BCL9: variants seen among roughly 807,000 people sequenced by gnomAD.
BCL9 encodes the protein BCL9 transcription coactivator, also known as B-cell CLL/lymphoma 9 protein.
BCL9 carries 25 observed loss-of-function variants against 88.5 expected under a neutral mutation model. That is an observed-to-expected ratio of 0.28 (90% CI 0.21 to 0.39). The LOEUF is 0.39. Among genes scored for constraint, BCL9 ranks in the 10% least tolerant of loss-of-function variants. The pLI is 1.00. For synonymous variants in BCL9, 711 were observed against 673.3 expected (o/e 1.06, Z -0.87); for missense variants, 1,817 against 1,877.8 (o/e 0.97, Z 0.60).
In BCL9 at chr1:147,564,556, G is replaced by A. The variant is rs995187158; in HGVS notation, c.-478+22882G>A. Among the ~76,000 whole-genome samples, 3 of 152,076 alleles carry A rather than the reference G, an allele frequency of 2.0e-5. No individual in the cohort carries two copies. The South Asian group carries it at 6.2e-4, about 32-fold the overall frequency. ...CGTCTGAGTCTCAATTTCCTCATCT[G>A]TAAAATGAGGAAATATTTCTTCTCT... On this transcript the variant is annotated intron_variant, in intron 1 of 9. Coordinates refer to ENST00000234739, the MANE Select transcript of BCL9 (RefSeq NM_004326.4).
In BCL9 at chr1:147,582,524, G is replaced by A. The variant is rs782760328; in HGVS notation, c.-477-22253G>A. The stretch of plus-strand genomic sequence containing the variant: ...ATTGATTTCCAGAAATGTTCTTCTA[G>A]TACAGGGTGGCAAACTAGGACCCGA... On this transcript the variant is annotated intron_variant, in intron 1 of 9. Transcript: ENST00000234739. Among the ~76,000 whole-genome samples the A allele has an allele frequency of 5.9e-5, 9 of 152,248 alleles. No homozygotes were observed. The East Asian group carries it at 1.2e-3, about 20-fold the overall frequency.
intron 1 of BCL9, among the ~76,000 whole-genome samples, chr1:147,570,653 T>TTTTTTTTTTTG (rs1481643504): frequency 2.0e-5 from 1 of 51,258 alleles, no homozygotes; most frequent in Non-Finnish European, 3.5e-5. Context: ...TTTTTTTTTG[T>TTTTTTTTTTTG]AGATGGAGTT....
chr1:147,575,950 C>T (rs1656091145), intron 1 of BCL9, among the ~76,000 whole-genome samples: 1 of 152,132 alleles, frequency 6.6e-6, no homozygotes, highest in African/African-American at 2.4e-5. Context: ...GGTTTTGGCA[C>T]ACCCTAAGAA....
chr1:147,595,935 A>C (rs1553200410), intron 1 of BCL9, among the ~76,000 whole-genome samples: 1 of 152,184 alleles, frequency 6.6e-6, no homozygotes, highest in African/African-American at 2.4e-5. Context: ...ATGTCACAAA[A>C]CTTGAATTTT....
intron 1 of BCL9, among the ~76,000 whole-genome samples, chr1:147,584,386 C>CT (rs55842254): frequency 0.22 from 33,489 of 151,968 alleles, 7,175 homozygotes; most frequent in African/African-American, 0.54. Flanking sequence ...CCCTCTGTAA[C>CT]TTTTTTTTCT....
intron 7 of BCL9, among the ~76,000 whole-genome samples, chr1:147,617,933 C>G (rs782366812): frequency 6.6e-6 from 1 of 152,146 alleles, no homozygotes; most frequent in Non-Finnish European, 1.5e-5. Flanking sequence ...ATCTCTCTTC[C>G]AAACATTCAA....
In BCL9 at chr1:147,619,384, T is replaced by C; in HGVS notation, c.1229T>C (p.Met410Thr). The change falls in exon 8 of 10, where the codon ATG becomes ACG. Residue 410 changes from methionine to threonine, a missense_variant. By Grantham distance (81) the Met-to-Thr change is moderately conservative (BLOSUM62 -1). This residue lies in a region of BCL9 where 1,228 missense variants were observed against 1,191.6 expected (regional missense o/e 1.03). Transcript: ENST00000234739. This position sits in a 1 kb window ranked among gnomAD's most constrained non-coding sequence, Gnocchi z 4.1. ...KKPEGPIQAM[M>T]AQSQSLGKGP... ...CCAGAAGGGCCAATACAGGCCATGA[T>C]GGCCCAATCCCAAAGCCTAGGTAAG... is the stretch of plus-strand genomic sequence containing the variant. The C allele has an allele frequency of 6.2e-7, 1 of 1,614,078 alleles. No homozygotes were observed. Among genetic ancestry groups the C allele is most frequent in the South Asian group, 1.1e-5 (1 of 91,080 alleles).
chr1:147,609,995 A>G (rs1657916799), intron 3 of BCL9, among the ~76,000 whole-genome samples: 1 of 152,218 alleles, frequency 6.6e-6, no homozygotes, highest in Admixed American at 6.5e-5. Context: ...GAGGGGGACT[A>G]TATAGGTGGT....
chr1:147,567,248 A>G (rs1369347351), intron 1 of BCL9, among the ~76,000 whole-genome samples: 1 of 152,154 alleles, frequency 6.6e-6, no homozygotes, highest in Admixed American at 6.5e-5. Context: ...TTCTTGTACG[A>G]GTGAATTCGT....
Position 147,579,220 on chromosome 1 carries a change from A to C in BCL9, c.-477-25557A>C, listed in dbSNP as rs145975862. ...CTAGTTGAGTGACCAAGGACAGTCC[A>C]TTCAACTTCCATGGATTTCAAATTT... On this transcript the variant is annotated intron_variant, in intron 1 of 9. Transcript: ENST00000234739. 7.9e-3 allele frequency among the ~76,000 whole-genome samples: 1,209 copies of C among 152,312 alleles called. 16 individuals carry two copies. Among genetic ancestry groups the C allele is most frequent in the African/African-American group, 0.019 (778 of 41,550 alleles).
At chr1:147,604,424 A>G (rs968378947) in intron 1 of BCL9, among the ~76,000 whole-genome samples, 1 of 152,252 alleles carries the variant, frequency 6.6e-6, no homozygotes, top group Admixed American at 6.5e-5. Context: ...GACATGAAAC[A>G]AAAGTCCATT....
intron 1 of BCL9, among the ~76,000 whole-genome samples, chr1:147,560,591 C>A (rs1212638044): frequency 8.8e-6 from 1 of 114,156 alleles, no homozygotes; most frequent in South Asian, 3.4e-4. Flanking sequence ...TGGGGGACAA[C>A]AGCGAGACTT....
At chr1:147,578,938 T>C (rs1022766671) in intron 1 of BCL9, among the ~76,000 whole-genome samples, 5 of 152,088 alleles carry the variant, frequency 3.3e-5, no homozygotes, top group Non-Finnish European at 7.4e-5. Flanking sequence ...CGATCTCGGC[T>C]CACTGCAACC....
chr1:147,596,409 TTC>T lies in BCL9; in HGVS notation c.-477-8366_-477-8365del, dbSNP rs1491390215. Among the ~76,000 whole-genome samples the T allele has an allele frequency of 2.6e-3, 2 of 762 alleles. 1 individual carries two copies. The highest frequency in any genetic ancestry group is 0.011 in the Admixed American group (2 of 190). The allele number at this position is 762 out of a possible 152,430, so 0.5% of individuals were successfully genotyped here. A position where few individuals can be genotyped will look rare whatever the true frequency, so the allele number is the denominator to read the frequency against. Reference sequence around the variant, plus strand: ...AGAGATTAGATTGACTTTCTTTTTTTTCTTTTCTTTTTTTTTTTTTTTGAGAC... The same window carrying T: ...AGAGATTAGATTGACTTTCTTTTTTTTTTTCTTTTTTTTTTTTTTTGAGAC... On this transcript the variant is annotated intron_variant, in intron 1 of 9. Coordinates refer to ENST00000234739, the MANE Select transcript of BCL9 (RefSeq NM_004326.4).
At chr1:147,581,165 G>T (rs587713663) in intron 1 of BCL9, among the ~76,000 whole-genome samples, 1 of 152,112 alleles carries the variant, frequency 6.6e-6, no homozygotes, top group African/African-American at 2.4e-5. Context: ...GTCTTGTCTG[G>T]TATGACAATT....
chr1:147,554,409 T>C (rs913781106), intron 1 of BCL9, among the ~76,000 whole-genome samples: 8 of 152,196 alleles, frequency 5.3e-5, no homozygotes, highest in African/African-American at 1.7e-4. Flanking sequence ...TATTTAAAAT[T>C]AACGAAAATT....
intron 1 of BCL9, among the ~76,000 whole-genome samples, chr1:147,564,782 T>G (rs1655530241): frequency 6.6e-6 from 1 of 152,234 alleles, no homozygotes; most frequent in African/African-American, 2.4e-5. Context: ...CCTTCCTTTA[T>G]TCTTCTGTTG....
chr1:147,554,887 C>G (rs1553195248), intron 1 of BCL9, among the ~76,000 whole-genome samples: 1 of 152,144 alleles, frequency 6.6e-6, no homozygotes, highest in African/African-American at 2.4e-5. Flanking sequence ...CAGGGGCCAA[C>G]ATATCTCCAG....
chr1:147,599,275 G>A (rs1384890970), intron 1 of BCL9, among the ~76,000 whole-genome samples: 1 of 152,226 alleles, frequency 6.6e-6, no homozygotes, highest in South Asian at 2.1e-4. Context: ...GCCGGCCATG[G>A]CCCAGGCGGT....
Sources: allele counts gnomAD v4.1 joint callset (sites outside exome capture counted in the v4.1 genomes callset), GRCh38; gene constraint gnomAD v4.1.1; regional missense constraint gnomAD v4.1.1; non-coding constraint Gnocchi (gnomAD v3.1); transcripts MANE v1.5; gene names NCBI Gene and HGNC (gene_info 2026-07-23, HGNC 2026-07-21).